The following PLA2G4F variants were observed in gnomAD, a reference collection of about 807,000 sequenced individuals.
The protein encoded by PLA2G4F is phospholipase A2 group IVF.
PLA2G4F carries 105 observed loss-of-function variants against 103.1 expected under a neutral mutation model. The ratio of observed to expected loss-of-function variants is 1.02; its 90% confidence interval spans 0.87 to 1.20. PLA2G4F has a LOEUF of 1.20. Among genes scored for constraint, PLA2G4F ranks in the 50% most tolerant of loss-of-function variants. The pLI, the probability that PLA2G4F is intolerant of heterozygous loss-of-function variation, is 0.00. For synonymous variants in PLA2G4F, 468 were observed against 441.1 expected (o/e 1.06, Z -0.76); for missense variants, 1,155 against 1,075.9 (o/e 1.07, Z -1.03).
At chr15:42,152,897 G>A (rs1056867011) in intron 6 of PLA2G4F, 143 bp from the exon 7 acceptor site, 2 of 795,772 alleles carry the variant, frequency 2.5e-6, no homozygotes, top group African/African-American at 1.7e-5. Context: ...CTGGGGCAGG[G>A]TCTAGGAAAC....
intron 19 of PLA2G4F, 147 bp from the exon 20 acceptor site, chr15:42,142,351 G>A: frequency 8.6e-7 from 1 of 1,158,750 alleles, no homozygotes; most frequent in Non-Finnish European, 1.2e-6. Flanking sequence ...AGACCCCCCA[G>A]GAGGGGCTGG....
chr15:42,153,600 T>C lies in PLA2G4F; in HGVS notation c.491+20A>G. The C allele has an allele frequency of 6.2e-7, 1 of 1,613,976 alleles. No homozygotes were observed. Among genetic ancestry groups the C allele is most frequent in the Non-Finnish European group, 8.5e-7 (1 of 1,179,850 alleles). On this transcript the variant is annotated intron_variant, in intron 5 of 19. Transcript: ENST00000397272. ...TCAAATCTCTGAGTCTCTGAGGGCG[T>C]TGGCTCTACCAGAACTCACCTCTTC...
chr15:42,153,123 TCCA>T (rs2140814835), intron 6 of PLA2G4F, among the ~76,000 whole-genome samples, 174 bp downstream of exon 6: 1 of 152,234 alleles, frequency 6.6e-6, no homozygotes, highest in Non-Finnish European at 1.5e-5. Flanking sequence ...TCCTGGGCTG[TCCA>T]CCAAGTGCCT....
intron 2 of PLA2G4F, among the ~76,000 whole-genome samples, 192 bp downstream of exon 2, chr15:42,155,325 C>T (rs927918524): frequency 3.3e-5 from 5 of 151,250 alleles, no homozygotes; most frequent in African/African-American, 9.8e-5. Flanking sequence ...CACATGTACT[C>T]ACACTTGCAC....
At chr15:42,144,700 G>C in intron 16 of PLA2G4F, 56 bp from the exon 17 acceptor site, 1 of 1,476,782 alleles carries the variant, frequency 6.8e-7, no homozygotes, top group Non-Finnish European at 9.0e-7. Flanking sequence ...CCTTTGCCCA[G>C]TGGTCCTTAT....
At position 42,139,956 on chromosome 15, in the gene PLA2G4F, C is replaced by G. The variant is rs1039218879; in HGVS notation, c.*2028G>C. ...CACAAGCCTTGCTGGCCTGCGGGGACAGACGCTGGCCTCTGCAACCCTGGG... is the reference window on the plus strand; with the variant it reads ...CACAAGCCTTGCTGGCCTGCGGGGAGAGACGCTGGCCTCTGCAACCCTGGG... On this transcript the variant is annotated 3_prime_UTR_variant, in exon 20 of 20. Transcript: ENST00000397272. 1 of 152,292 alleles carries G rather than the reference C, an allele frequency of 6.6e-6. No individual in the cohort carries two copies. The highest frequency in any genetic ancestry group is 6.5e-5 in the Admixed American group (1 of 15,286). The allele number at this position is 152,292 out of a possible 1,614,324, so 9.4% of individuals were successfully genotyped here. A position where few individuals can be genotyped will look rare whatever the true frequency, so the allele number is the denominator to read the frequency against.
chr15:42,145,844 T>A lies in PLA2G4F; in HGVS notation c.1594A>T (p.Thr532Ser). Reference sequence around the variant, plus strand: ...AAGAGTTCTGAGCCGAAGAGCTCGGTGGGAACATAAGCCCCGTACTTGGGG... The same window carrying A: ...AAGAGTTCTGAGCCGAAGAGCTCGGAGGGAACATAAGCCCCGTACTTGGGG... Reference protein sequence around the residue: ...GFPKYGAYVPTELFGSELFMG... With the variant: ...GFPKYGAYVPSELFGSELFMG... Residue 532 changes from threonine (T) to serine (S), a missense_variant, in exon 15 of 20, where the codon ACC (threonine) becomes TCC (serine). Physicochemically the swap from Thr to Ser is moderately conservative, Grantham distance 58. This residue lies in a region of PLA2G4F where 782 missense variants were observed against 692.9 expected (regional missense o/e 1.13). Coordinates refer to ENST00000397272, the MANE Select transcript of PLA2G4F (RefSeq NM_213600.4). 1 of 1,614,052 alleles carries A rather than the reference T, an allele frequency of 6.2e-7. No individual in the cohort carries two copies. The highest frequency in any genetic ancestry group is 1.1e-5 in the South Asian group (1 of 91,070).
At chr15:42,153,693 C>G (rs1220299695) in intron 4 of PLA2G4F, 33 bp from the exon 5 acceptor site, 2 of 1,612,836 alleles carry the variant, frequency 1.2e-6, no homozygotes, top group African/African-American at 2.7e-5. Context: ...CCAATTTTTT[C>G]AAGGCTCCAA....
At chr15:42,145,957 T>C in intron 14 of PLA2G4F, 54 bp from the exon 15 acceptor site, 2 of 1,604,018 alleles carry the variant, frequency 1.2e-6, no homozygotes, top group East Asian at 4.5e-5. Context: ...ACGGTGCTTG[T>C]GCCCAAGCAG....
rs900573829 is a variant in PLA2G4F at position 42,141,479 on chromosome 15, A to G, written c.*505T>C. 1.1e-5 allele frequency: 5 copies of G among 439,368 alleles called. No homozygotes were observed. The highest frequency in any genetic ancestry group is 3.2e-5 in the South Asian group (2 of 61,728). 27.2% of individuals were successfully genotyped at this position (439,368 alleles called of 1,614,324 possible). ...AGGCTGGCCATCCCCTCAGCCCCTC[A>G]TTGTTCTTGATAGCAGTGCATCCAG... is the stretch of plus-strand genomic sequence containing the variant. On this transcript the variant is annotated 3_prime_UTR_variant, in exon 20 of 20. Coordinates refer to ENST00000397272, the MANE Select transcript of PLA2G4F (RefSeq NM_213600.4).
Position 42,146,966 on chromosome 15 carries a change from C to CTAGG in PLA2G4F, c.1419+157_1419+158insCCTA. ...TAGGAGCTAGGGAGGCAAAATGGTACCAGCCCACCCTGGAGTCACACTCCT... is the reference window on the plus strand; with the variant it reads ...TAGGAGCTAGGGAGGCAAAATGGTACTAGGCAGCCCACCCTGGAGTCACACTCCT... On this transcript the variant is annotated intron_variant, in intron 13 of 19. Coordinates refer to ENST00000397272, the MANE Select transcript of PLA2G4F (RefSeq NM_213600.4). 13 of 707,252 alleles carry CTAGG rather than the reference C, an allele frequency of 1.8e-5. No homozygotes were observed. The South Asian group carries it at 2.5e-4, about 13-fold the overall frequency. The allele number at this position is 707,252 out of a possible 1,614,324, so 43.8% of individuals were successfully genotyped here.
At position 42,145,600 on chromosome 15, in the gene PLA2G4F, C is replaced by A. The variant is rs1209178498; in HGVS notation, c.1755G>T (p.Trp585Cys). 1 of 1,614,138 alleles carries A rather than the reference C, an allele frequency of 6.2e-7. No individual in the cohort carries two copies. The highest frequency in any genetic ancestry group is 1.1e-5 in the South Asian group (1 of 91,084). ...CTGTGATATTCACACTGCCTCTGTACCACTCCAGGAAGCTGAGGCCCGAGC... is the reference window on the plus strand; with the variant it reads ...CTGTGATATTCACACTGCCTCTGTAACACTCCAGGAAGCTGAGGCCCGAGC... ...TAGSGLSFLEWYRGSVNITDD... is the reference protein window; with the variant it reads ...TAGSGLSFLECYRGSVNITDD... The change falls in exon 16 of 20, where the codon TGG becomes TGT. Residue 585 changes from tryptophan to cysteine, a missense_variant. Physicochemically the swap from Trp to Cys is radical, Grantham distance 215. Coordinates refer to ENST00000397272, the MANE Select transcript of PLA2G4F (RefSeq NM_213600.4).
At position 42,139,111 on chromosome 15, in the gene PLA2G4F, T is replaced by C. The variant is rs1404502613; in HGVS notation, c.*2873A>G. ...CCCTGAGAAGCTGGAGCTGCTTGCTTTTATTCAGTGCAGGCACAATGCCAA... is the reference window on the plus strand; with the variant it reads ...CCCTGAGAAGCTGGAGCTGCTTGCTCTTATTCAGTGCAGGCACAATGCCAA... On this transcript the variant is annotated 3_prime_UTR_variant, in exon 20 of 20. Transcript: ENST00000397272. The C allele has an allele frequency of 6.6e-6, 1 of 152,252 alleles. No homozygotes were observed. Among genetic ancestry groups the C allele is most frequent in the African/African-American group, 2.4e-5 (1 of 41,466 alleles). 9.4% of individuals were successfully genotyped at this position (152,252 alleles called of 1,614,324 possible). A position where few individuals can be genotyped will look rare whatever the true frequency, so the allele number is the denominator to read the frequency against.
In PLA2G4F at chr15:42,146,963, G is replaced by GGGT; in HGVS notation, c.1419+160_1419+161insACC. 1.9e-5 allele frequency: 13 copies of GGGT among 690,438 alleles called. No homozygotes were observed. In the South Asian group the frequency reaches 2.5e-4, roughly 13 times the overall value. 42.8% of individuals were successfully genotyped at this position (690,438 alleles called of 1,614,324 possible). ...GGTTAGGAGCTAGGGAGGCAAAATG[G>GGGT]TACCAGCCCACCCTGGAGTCACACT... On this transcript the variant is annotated intron_variant, in intron 13 of 19. Transcript: ENST00000397272.
chr15:42,142,852 T>G, intron 18 of PLA2G4F, 138 bp from the exon 19 acceptor site: 1 of 886,010 alleles, frequency 1.1e-6, no homozygotes, highest in Non-Finnish European at 1.7e-6. Context: ...GACAGCTCCT[T>G]TCTGAGCTGG....
In PLA2G4F at chr15:42,141,629, G is replaced by C. The variant is rs573288432; in HGVS notation, c.*355C>G. The C allele has an allele frequency of 8.3e-6, 4 of 482,704 alleles. No individual in the cohort carries two copies. The highest frequency in any genetic ancestry group is 7.8e-5 in the African/African-American group (4 of 51,300). 29.9% of individuals were successfully genotyped at this position (482,704 alleles called of 1,614,324 possible). On this transcript the variant is annotated 3_prime_UTR_variant, in exon 20 of 20. Transcript: ENST00000397272. ...AGTGCCCTCAGCCCCTGTTCTGTGT[G>C]GGTCTGAGGACTTGGGCCCTCTGAG...
rs561683579 is a variant in PLA2G4F at position 42,153,771 on chromosome 15, TTGTGGCTTGTCA to T, written c.451-123_451-112del. ...CAGGGGCTAGAAGGGGAGACTGGCA[TTGTGGCTTGTCA>T]TGGACATAGGAGGGGCAGTGGTATC... On this transcript the variant is annotated intron_variant, in intron 4 of 19. Coordinates refer to ENST00000397272, the MANE Select transcript of PLA2G4F (RefSeq NM_213600.4). 3.9e-4 allele frequency: 475 copies of T among 1,219,688 alleles called. 3 individuals are homozygous for T. In the South Asian group the frequency reaches 6.1e-3, roughly 16 times the overall value. The allele number at this position is 1,219,688 out of a possible 1,614,324, so 75.6% of individuals were successfully genotyped here.
At chr15:42,144,274 C>A in intron 17 of PLA2G4F, 130 bp from the exon 18 acceptor site, 1 of 1,398,980 alleles carries the variant, frequency 7.1e-7, no homozygotes, top group Non-Finnish European at 9.7e-7. Context: ...ACTCCTGCCC[C>A]AAGCCCTTGG....
At chr15:42,151,146 C>T in intron 7 of PLA2G4F, 11 of 985,304 alleles carry the variant, frequency 1.1e-5, no homozygotes, top group Non-Finnish European at 1.2e-5. Context: ...CCCGCTTGCC[C>T]CACTTCAGCC....
Sources: gnomAD v4.1 joint callset for allele counts (sites outside exome capture counted in the v4.1 genomes callset) on GRCh38, gnomAD v4.1.1 for gene constraint, gnomAD v4.1.1 regional missense constraint, MANE v1.5 for transcripts, NCBI Gene and HGNC (gene_info 2026-07-23, HGNC 2026-07-21) for gene names.